The following SPMIP2 variants were observed in gnomAD, a reference collection of about 807,000 sequenced individuals.
SPMIP2 encodes sperm microtubule inner protein 2.
At chr4:158,990,908 A>AT in the SPMIP2 span, among the ~76,000 whole-genome samples, 6 of 152,132 alleles carry the variant, frequency 3.9e-5, no homozygotes, top group Non-Finnish European at 7.4e-5. Context: ...AAATAAATTC[A>AT]TTTTTTAAAA....
the SPMIP2 span, among the ~76,000 whole-genome samples, chr4:158,986,316 C>T: frequency 0.29 from 43,338 of 151,680 alleles, 6,651 homozygotes; most frequent in South Asian, 0.41. Context: ...AAAAAGAGCC[C>T]GCATTGCCAA....
the SPMIP2 span, among the ~76,000 whole-genome samples, chr4:159,072,574 T>A: frequency 6.7e-6 from 1 of 150,270 alleles, no homozygotes; most frequent in African/African-American, 2.4e-5. Context: ...GCAATTCTCC[T>A]GCCTCAGCTC....
At chr4:159,000,989 C>T in the SPMIP2 span, among the ~76,000 whole-genome samples, 1 of 152,056 alleles carries the variant, frequency 6.6e-6, no homozygotes, top group Non-Finnish European at 1.5e-5. Flanking sequence ...TTTTTATGGA[C>T]ATTTGTTTTC....
At chr4:158,963,248 C>T in the SPMIP2 span, among the ~76,000 whole-genome samples, 12 of 151,248 alleles carry the variant, frequency 7.9e-5, no homozygotes, top group East Asian at 1.9e-4. Context: ...TTTAATAATA[C>T]GCTAAGGTAT....
chr4:159,082,499 A>C, the SPMIP2 span, among the ~76,000 whole-genome samples: 1 of 77,184 alleles, frequency 1.3e-5, no homozygotes, highest in African/African-American at 4.5e-5. Context: ...GTGTGTTTTG[A>C]ACCTGAAAGG....
the SPMIP2 span, among the ~76,000 whole-genome samples, chr4:159,062,697 G>GTCTCTCTCTTTCTCTCTCTCTCTCTCTC: frequency 4.9e-4 from 47 of 95,150 alleles, 1 homozygote; most frequent in African/African-American, 1.6e-3. Flanking sequence ...TTGAAACAGG[G>GTCTCTCTCTTTCTCTCTCTCTCTCTCTC]TCTCTCTCTC....
chr4:159,068,374 A>G, the SPMIP2 span, among the ~76,000 whole-genome samples: 28,776 of 152,084 alleles, frequency 0.19, 2,751 homozygotes, highest in Admixed American at 0.25. Context: ...CACGGATGAA[A>G]CTGGAAACCA....
the SPMIP2 span, among the ~76,000 whole-genome samples, chr4:159,057,198 T>C: frequency 6.6e-6 from 1 of 152,206 alleles, no homozygotes; most frequent in African/African-American, 2.4e-5. Flanking sequence ...GATCAGTTTT[T>C]ATCAAAGGGC....
At chr4:159,018,998 G>A in the SPMIP2 span, among the ~76,000 whole-genome samples, 1 of 152,162 alleles carries the variant, frequency 6.6e-6, no homozygotes, top group South Asian at 2.1e-4. Flanking sequence ...GCTGAGGCAG[G>A]AGAATGGCGT....
chr4:158,983,480 A>T, the SPMIP2 span, among the ~76,000 whole-genome samples: 2 of 151,926 alleles, frequency 1.3e-5, no homozygotes, highest in Non-Finnish European at 2.9e-5. Flanking sequence ...AAACTCTGCA[A>T]GCCAGAAGAG....
At chr4:158,997,908 C>T in the SPMIP2 span, among the ~76,000 whole-genome samples, 44 of 152,266 alleles carry the variant, frequency 2.9e-4, 1 homozygote, top group East Asian at 3.5e-3. Flanking sequence ...CCTCCCACAT[C>T]GGCCTCCCAA....
At chr4:159,000,449 C>G in the SPMIP2 span, among the ~76,000 whole-genome samples, 2 of 151,500 alleles carry the variant, frequency 1.3e-5, no homozygotes, top group East Asian at 3.9e-4. Context: ...TAAATGGCAT[C>G]GAATCATACA....
chr4:159,023,116 A>T, the SPMIP2 span, among the ~76,000 whole-genome samples: 1 of 152,244 alleles, frequency 6.6e-6, no homozygotes, highest in East Asian at 1.9e-4. Flanking sequence ...TGTCAACTTG[A>T]CTGGGCTAAA....
At chr4:158,919,271 T>G in the SPMIP2 span, among the ~76,000 whole-genome samples, 2 of 152,244 alleles carry the variant, frequency 1.3e-5, no homozygotes, top group Admixed American at 6.5e-5. Context: ...ACCTTCAAGT[T>G]TGGCCAGGCA....
the SPMIP2 span, among the ~76,000 whole-genome samples, chr4:158,979,814 T>TTTTTTTTTTTTTTTTTTG: frequency 7.1e-6 from 1 of 139,950 alleles, no homozygotes; most frequent in African/African-American, 2.7e-5. Flanking sequence ...TTTTTTTTTT[T>TTTTTTTTTTTTTTTTTTG]CATACCCCAG....
chr4:158,930,781 A>AGAGTCAT, the SPMIP2 span, among the ~76,000 whole-genome samples: 3 of 152,318 alleles, frequency 2.0e-5, no homozygotes, highest in South Asian at 6.2e-4. Context: ...CACTGGGATT[A>AGAGTCAT]GAGTCATGAG....
chr4:158,917,748 C>G, the SPMIP2 span, among the ~76,000 whole-genome samples: 1 of 100,176 alleles, frequency 1.0e-5, no homozygotes. Flanking sequence ...TTTTTTGAGA[C>G]AGATTCTCTG....
chr4:158,901,100 T>G, the SPMIP2 span, among the ~76,000 whole-genome samples: 2 of 151,812 alleles, frequency 1.3e-5, no homozygotes, highest in Non-Finnish European at 2.9e-5. Context: ...GAAGCTTAGT[T>G]TGGCTGGATA....
the SPMIP2 span, among the ~76,000 whole-genome samples, chr4:158,930,746 A>T: frequency 1.2e-4 from 18 of 152,054 alleles, no homozygotes; most frequent in African/African-American, 3.9e-4. Flanking sequence ...GCCTCAAGCA[A>T]TCTTTCTGTG....
Sources: gnomAD v4.1 joint callset for allele counts (sites outside exome capture counted in the v4.1 genomes callset) on GRCh38, gnomAD v4.1.1 for gene constraint, MANE v1.5 for transcripts, NCBI Gene and HGNC (gene_info 2026-07-23, HGNC 2026-07-21) for gene names.